The following CPNE8 variants were observed in gnomAD, a reference collection of about 807,000 sequenced individuals.
CPNE8 encodes the protein copine 8, also known as copine-8.
A neutral mutation model predicts 81.5 loss-of-function variants in CPNE8; 45 were observed. The observed-to-expected ratio is 0.55, with a 90% CI of 0.44 to 0.71. The LOEUF (loss-of-function observed/expected upper bound fraction) is 0.71. Ranked by LOEUF, CPNE8 falls within the 30% of genes least tolerant of loss-of-function variation. The pLI, the probability that CPNE8 is intolerant of heterozygous loss-of-function variation, is 0.00. For synonymous variants in CPNE8, 252 were observed against 226.3 expected, an observed-to-expected ratio of 1.11 and a Z score of -1.02; for missense variants, 594 against 672.1, an observed-to-expected ratio of 0.88 and a Z score of 1.28.
intron 10 of CPNE8, among the ~76,000 whole-genome samples, chr12:38,756,932 T>C (rs1030368143): frequency 3.9e-5 from 6 of 152,178 alleles, no homozygotes; most frequent in Non-Finnish European, 4.4e-5. Flanking sequence ...TAAAAATCCT[T>C]CTTAGTAATT....
chr12:38,748,072 G>A (rs565748543), intron 10 of CPNE8, among the ~76,000 whole-genome samples: 31 of 152,094 alleles, frequency 2.0e-4, no homozygotes, highest in African/African-American at 7.5e-4. Flanking sequence ...GTGCAATGGC[G>A]CGATCTCGGC....
At chr12:38,771,100 T>TTAAA (rs1424042795) in intron 7 of CPNE8, among the ~76,000 whole-genome samples, 2 of 152,070 alleles carry the variant, frequency 1.3e-5, no homozygotes, top group Non-Finnish European at 2.9e-5. Context: ...GTAAACACTG[T>TTAAA]TCAATCAATC....
At chr12:38,760,955 T>A (rs1156334370) in intron 9 of CPNE8, 67 bp from the exon 10 acceptor site, 41 of 1,202,182 alleles carry the variant, frequency 3.4e-5, no homozygotes, top group Non-Finnish European at 4.7e-5. Flanking sequence ...GGTTGAGAAT[T>A]TAAAAATAAG....
rs1033813428 is a variant in CPNE8 at position 38,652,799 on chromosome 12, A to C, written c.*1083T>G. The C allele has an allele frequency of 1.3e-5, 2 of 152,758 alleles. No individual in the cohort carries two copies. Among genetic ancestry groups the C allele is most frequent in the Admixed American group, 1.3e-4 (2 of 15,302 alleles). The allele number at this position is 152,758 out of a possible 1,614,324, so 9.5% of individuals were successfully genotyped here. On this transcript the variant is annotated 3_prime_UTR_variant, in exon 20 of 20. Coordinates refer to ENST00000331366, the MANE Select transcript of CPNE8 (RefSeq NM_153634.3). ...ATTATTCGTGGACAGGCAGGTCAGT[A>C]TATAGGAGTAGGTTATTTCACAAAT...
chr12:38,831,099 C>A (rs1172889827), intron 5 of CPNE8, among the ~76,000 whole-genome samples: 1 of 152,100 alleles, frequency 6.6e-6, no homozygotes, highest in Admixed American at 6.5e-5. Context: ...GAATTACTTT[C>A]TTGAGAGCCA....
chr12:38,718,645 A>T (rs191959367), intron 13 of CPNE8, among the ~76,000 whole-genome samples: 1 of 152,184 alleles, frequency 6.6e-6, no homozygotes, highest in African/African-American at 2.4e-5. Context: ...ATATCTAACA[A>T]ATTGTGAAAT....
At chr12:38,705,357 T>C (rs946913698) in intron 13 of CPNE8, among the ~76,000 whole-genome samples, 8 of 152,170 alleles carry the variant, frequency 5.3e-5, no homozygotes, top group African/African-American at 1.9e-4. Flanking sequence ...TGGAAAGACC[T>C]AAATACAATG....
intron 4 of CPNE8, among the ~76,000 whole-genome samples, chr12:38,842,001 T>C (rs995622068): frequency 6.6e-6 from 1 of 151,608 alleles, no homozygotes; most frequent in Non-Finnish European, 1.5e-5. Context: ...TGAATTTATT[T>C]TCATACTTTA....
rs192419520 is a variant in CPNE8 at position 38,860,452 on chromosome 12, C to G, written c.187-11790G>C. 1.4e-3 allele frequency among the ~76,000 whole-genome samples: 209 copies of G among 150,664 alleles called. 1 individual carries two copies. The highest frequency in any genetic ancestry group is 4.8e-3 in the African/African-American group (198 of 41,092). On this transcript the variant is annotated intron_variant, in intron 3 of 19. Transcript: ENST00000331366. ...GTGGAGAAATTAGAGCATTTGTGCC[C>G]TATTGGTGGAATTGTAAAATGGTGC...
chr12:38,703,837 A>G (rs1940017808), intron 13 of CPNE8, among the ~76,000 whole-genome samples: 1 of 152,094 alleles, frequency 6.6e-6, no homozygotes, highest in African/African-American at 2.4e-5. Flanking sequence ...ATGCAATCCC[A>G]TTCACAAGAG....
intron 6 of CPNE8, among the ~76,000 whole-genome samples, chr12:38,828,411 T>TA (rs1943234116): frequency 6.6e-6 from 1 of 152,200 alleles, no homozygotes; most frequent in African/African-American, 2.4e-5. Flanking sequence ...AATAATTTTC[T>TA]AAGGAAATCA....
intron 6 of CPNE8, among the ~76,000 whole-genome samples, chr12:38,808,511 C>T (rs11169615): frequency 0.068 from 10,135 of 148,888 alleles, 577 homozygotes; most frequent in East Asian, 0.31. Context: ...GAACAAAAAT[C>T]CAAACACCGC....
At chr12:38,809,750 C>T (rs1485077865) in intron 6 of CPNE8, among the ~76,000 whole-genome samples, 2 of 152,162 alleles carry the variant, frequency 1.3e-5, no homozygotes, top group Non-Finnish European at 2.9e-5. Flanking sequence ...TTCCAAATCT[C>T]ATCATCTAAA....
rs374175507 is a variant in CPNE8, at chr12:38,727,763, C to T, written c.798+2520G>A. Among the ~76,000 whole-genome samples, 12 of 152,240 alleles carry T rather than the reference C, an allele frequency of 7.9e-5. No homozygotes were observed. The East Asian group carries it at 1.7e-3, about 22-fold the overall frequency. On this transcript the variant is annotated intron_variant, in intron 11 of 19. Coordinates refer to ENST00000331366, the MANE Select transcript of CPNE8 (RefSeq NM_153634.3). ...AAGATCTAGAGAATGAGATGCTTAT[C>T]GGGGGCTTTTAAAAGCTCTGGCATA...
At chr12:38,836,734 C>G (rs1025164181) in intron 5 of CPNE8, among the ~76,000 whole-genome samples, 3 of 152,124 alleles carry the variant, frequency 2.0e-5, no homozygotes, top group Admixed American at 6.5e-5. Flanking sequence ...TGAATCATAT[C>G]CTCAGGGAAT....
At chr12:38,902,431 A>AAGAAAG (rs1555172199) in intron 1 of CPNE8, among the ~76,000 whole-genome samples, 14 of 139,350 alleles carry the variant, frequency 1.0e-4, no homozygotes, top group African/African-American at 4.7e-4. Context: ...GAAAGAAAGA[A>AAGAAAG]AGAAAGGAGA....
At chr12:38,689,144 G>C (rs1939611139) in intron 15 of CPNE8, among the ~76,000 whole-genome samples, 1 of 152,118 alleles carries the variant, frequency 6.6e-6, no homozygotes, top group Non-Finnish European at 1.5e-5. Context: ...GAGGGCAATG[G>C]ATGCCTTATT....
At chr12:38,802,549 G>GAA (rs1209674715) in intron 6 of CPNE8, among the ~76,000 whole-genome samples, 1 of 95,560 alleles carries the variant, frequency 1.0e-5, no homozygotes. Flanking sequence ...GCCTACAAGA[G>GAA]AAAGCAGGAA....
rs114138949 is a variant in CPNE8, at chr12:38,743,103, G to T, written c.723-12745C>A. 3.6e-3 allele frequency among the ~76,000 whole-genome samples: 551 copies of T among 151,976 alleles called. 1 individual carries two copies. Among genetic ancestry groups the T allele is most frequent in the Middle Eastern group, 0.027 (8 of 294 alleles). ...AAAATCTAAAATCTTACATTAATTT[G>T]ATATTCTTAAAGATTATATCATAAA... On this transcript the variant is annotated intron_variant, in intron 10 of 19. Coordinates refer to ENST00000331366, the MANE Select transcript of CPNE8 (RefSeq NM_153634.3).
Sources: allele counts gnomAD v4.1 joint callset (sites outside exome capture counted in the v4.1 genomes callset), GRCh38; gene constraint gnomAD v4.1.1; transcripts MANE v1.5; gene names NCBI Gene and HGNC (gene_info 2026-07-23, HGNC 2026-07-21).